The following CCDC33 variants were observed in gnomAD, a reference collection of about 807,000 sequenced individuals.
CCDC33 encodes the protein coiled-coil domain containing 33.
In CCDC33, 94 loss-of-function variants were observed where a neutral mutation model predicts 91.9. The ratio of observed to expected loss-of-function variants is 1.02; its 90% confidence interval spans 0.87 to 1.21. CCDC33 has a LOEUF of 1.21. Among genes scored for constraint, CCDC33 ranks in the 50% most tolerant of loss-of-function variants. The pLI, the probability that CCDC33 is intolerant of heterozygous loss-of-function variation, is 0.00. For synonymous variants in CCDC33, 396 were observed against 374.5 expected, an observed-to-expected ratio of 1.06 and a Z score of -0.66; for missense variants, 940 against 935.5, an observed-to-expected ratio of 1.00 and a Z score of -0.06.
chr15:74,246,180 T>A lies in CCDC33; in HGVS notation c.185+2032T>A, dbSNP rs151306687. Among the ~76,000 whole-genome samples the A allele has an allele frequency of 6.4e-3, 975 of 152,338 alleles. 11 individuals carry two copies. Among genetic ancestry groups the A allele is most frequent in the African/African-American group, 0.022 (905 of 41,562 alleles). The stretch of plus-strand genomic sequence containing the variant: ...TTCAATGCTTTTTAAAAATATGTAT[T>A]TGTGAAGACTTCAATGTAAGACCTG... On this transcript the variant is annotated intron_variant, in intron 2 of 18. Coordinates refer to ENST00000398814, the MANE Select transcript of CCDC33 (RefSeq NM_025055.5).
upstream of CCDC33, among the ~76,000 whole-genome samples, chr15:74,232,500 C>G (rs2075010392): frequency 6.6e-6 from 1 of 152,202 alleles, no homozygotes; most frequent in African/African-American, 2.4e-5. Flanking sequence ...AAGTGTGCCT[C>G]TCTCCCAGAG....
intron 2 of CCDC33, among the ~76,000 whole-genome samples, chr15:74,210,805 T>C (rs571808524): frequency 1.2e-4 from 18 of 152,086 alleles, no homozygotes; most frequent in Non-Finnish European, 7.4e-5. Context: ...GGAAAAAGAG[T>C]GTTGAGCACA....
intron 9 of CCDC33, among the ~76,000 whole-genome samples, chr15:74,281,428 G>C (rs1048890530): frequency 6.6e-6 from 1 of 152,260 alleles, no homozygotes; most frequent in African/African-American, 2.4e-5. Flanking sequence ...AAAGCACTTA[G>C]AGTAAGTTCT....
At chr15:74,283,795 C>CACACACAG (rs1491288907) in intron 10 of CCDC33, among the ~76,000 whole-genome samples, 1,057 of 17,572 alleles carry the variant, frequency 0.06, 14 homozygotes, top group African/African-American at 0.088. Flanking sequence ...GCCAAGAATT[C>CACACACAG]ACACACACAC....
At chr15:74,237,806 G>A (rs1301815027) in intron 1 of CCDC33, among the ~76,000 whole-genome samples, 1 of 152,216 alleles carries the variant, frequency 6.6e-6, no homozygotes, top group Admixed American at 6.5e-5. Context: ...GCTTTGATTA[G>A]TAGCTTTGAG....
chr15:74,270,855 AC>A, intron 5 of CCDC33, among the ~76,000 whole-genome samples: 1 of 152,020 alleles, frequency 6.6e-6, no homozygotes, highest in South Asian at 2.1e-4. Context: ...TCCTGCTGGG[AC>A]CCCGCTCGGC....
chr15:74,326,554 G>T (rs192477707), intron 11 of CCDC33, among the ~76,000 whole-genome samples: 131 of 152,320 alleles, frequency 8.6e-4, no homozygotes, highest in African/African-American at 2.8e-3. Context: ...GGCCACCAGC[G>T]CTCAGTGGCA....
chr15:74,304,222 A>T (rs2059849291), intron 11 of CCDC33: 1 of 152,202 alleles, frequency 6.6e-6, no homozygotes, highest in Non-Finnish European at 1.5e-5. Flanking sequence ...GAGGATTAAC[A>T]AGAGAATGAG....
Position 74,331,058 on chromosome 15 carries a change from G to A in CCDC33, c.1623G>A (p.Gln541=). The change falls in exon 14 of 19, where the codon CAG becomes CAA. Residue 541 remains glutamine, a synonymous_variant. Coordinates refer to ENST00000398814, the MANE Select transcript of CCDC33 (RefSeq NM_025055.5). Reference sequence around the variant, plus strand: ...AGGCCGCTCTGCTGAAGCAGTACCAGGGCAAGCTGCAGAAGATGAAGGCGC... The same window carrying A: ...AGGCCGCTCTGCTGAAGCAGTACCAAGGCAAGCTGCAGAAGATGAAGGCGC... ...QPQAALLKQY[Q]GKLQKMKALE... is the part of the protein sequence containing the mutation. 6.2e-7 allele frequency: 1 copy of A among 1,613,560 alleles called. No individual in the cohort carries two copies. Among genetic ancestry groups the A allele is most frequent in the Non-Finnish European group, 8.5e-7 (1 of 1,179,732 alleles).
intron 2 of CCDC33, chr15:74,221,182 AGTT>A (rs1398893405): frequency 1.0e-6 from 1 of 975,270 alleles, no homozygotes; most frequent in Non-Finnish European, 1.2e-6. Flanking sequence ...TAGGCTCACA[AGTT>A]GTTCTCCAGT....
rs77228772 is a variant in CCDC33, at chr15:74,322,802, G to A, written c.1291-7387G>A. Among the ~76,000 whole-genome samples the A allele has an allele frequency of 2.1e-4, 32 of 152,344 alleles. No individual in the cohort carries two copies. The East Asian group carries it at 6.2e-3, about 29-fold the overall frequency. ...AAGGCAAACCACATGCAGATGGCCTGGGCCTGCCAGCGATGGATCCTGGGG... is the reference window on the plus strand; with the variant it reads ...AAGGCAAACCACATGCAGATGGCCTAGGCCTGCCAGCGATGGATCCTGGGG... On this transcript the variant is annotated intron_variant, in intron 11 of 18. Coordinates refer to ENST00000398814, the MANE Select transcript of CCDC33 (RefSeq NM_025055.5).
intron 11 of CCDC33, among the ~76,000 whole-genome samples, chr15:74,296,763 G>A (rs529945118): frequency 1.0e-3 from 152 of 152,342 alleles, no homozygotes; most frequent in Non-Finnish European, 1.6e-3. Flanking sequence ...GGTGGCCAAA[G>A]TGACATCCTA....
At chr15:74,266,407 T>G (rs970107046) in intron 3 of CCDC33, among the ~76,000 whole-genome samples, 2 of 152,246 alleles carry the variant, frequency 1.3e-5, no homozygotes, top group Admixed American at 6.5e-5. Context: ...TGTCTATCTC[T>G]GACCTGGGAG....
At chr15:74,223,897 TGG>T in intron 2 of CCDC33, among the ~76,000 whole-genome samples, 1 of 151,964 alleles carries the variant, frequency 6.6e-6, no homozygotes, top group South Asian at 2.1e-4. Flanking sequence ...AACACGATCA[TGG>T]GGGCTCCCCC....
At chr15:74,294,603 C>T (rs751844034) in intron 10 of CCDC33, among the ~76,000 whole-genome samples, 2 of 151,842 alleles carry the variant, frequency 1.3e-5, no homozygotes, top group Non-Finnish European at 2.9e-5. Context: ...CAAAATTAGC[C>T]AGGTGTGGTG....
chr15:74,203,195 T>C, intron 1 of CCDC33: 1 of 980,058 alleles, frequency 1.0e-6, no homozygotes, highest in Non-Finnish European at 1.2e-6. Context: ...GCAACATGTG[T>C]CTCATTGGTA....
At chr15:74,262,319 G>A (rs2076046817) in intron 2 of CCDC33, 121 bp from the exon 3 acceptor site, 2 of 1,332,534 alleles carry the variant, frequency 1.5e-6, no homozygotes, top group Admixed American at 3.8e-5. Flanking sequence ...CTATGCATGG[G>A]ACAGAGCTCT....
chr15:74,254,726 T>C (rs971093262), intron 2 of CCDC33, among the ~76,000 whole-genome samples: 11 of 146,390 alleles, frequency 7.5e-5, no homozygotes, highest in African/African-American at 3.0e-4. Context: ...GCCTCTCCTC[T>C]GCATCTCTAC....
At chr15:74,293,120 T>G (rs549242501) in intron 10 of CCDC33, among the ~76,000 whole-genome samples, 8 of 152,230 alleles carry the variant, frequency 5.3e-5, no homozygotes, top group African/African-American at 1.4e-4. Context: ...GGAGACAGGC[T>G]ATGGGGGAGG....
Sources: gnomAD v4.1 joint callset for allele counts (sites outside exome capture counted in the v4.1 genomes callset) on GRCh38, gnomAD v4.1.1 for gene constraint, MANE v1.5 for transcripts, NCBI Gene and HGNC (gene_info 2026-07-23, HGNC 2026-07-21) for gene names.